Variants in ZNF184 observed in about 807,000 individuals in gnomAD.
The protein encoded by ZNF184 is zinc finger protein 184, also known as zinc finger protein 184 (Kruppel-like).
In ZNF184, 16 loss-of-function variants were observed where a neutral mutation model predicts 54.4. The ratio of observed to expected loss-of-function variants is 0.29; its 90% CI spans 0.20 to 0.45. The LOEUF (loss-of-function observed/expected upper bound fraction) is 0.45, where lower values mean the gene tolerates loss of function less well. Ranked by LOEUF, ZNF184 falls within the 20% of genes least tolerant of loss-of-function variation. The probability of loss-of-function intolerance (pLI) is 1.00; values close to 1 mark genes in which losing one functional copy is unlikely to be tolerated. For synonymous variants in ZNF184, 254 were observed against 295.3 expected, an observed-to-expected ratio of 0.86 and a Z score of 1.43; for missense variants, 681 against 888.2, an observed-to-expected ratio of 0.77 and a Z score of 2.97.
chr6:27,444,351 G>A, the ZNF184 span, among the ~76,000 whole-genome samples: 1 of 152,032 alleles, frequency 6.6e-6, no homozygotes, highest in Non-Finnish European at 1.5e-5. Flanking sequence ...CTTGTGGCCT[G>A]AAGCTCATCT....
At chr6:27,435,977 C>T in the ZNF184 span, among the ~76,000 whole-genome samples, 5 of 150,012 alleles carry the variant, frequency 3.3e-5, no homozygotes, top group Non-Finnish European at 5.9e-5. Flanking sequence ...TCCAGCTTAA[C>T]GATCCTAAAT....
At chr6:27,465,542 C>T (rs1763114423) in intron 3 of ZNF184, among the ~76,000 whole-genome samples, 1 of 130,822 alleles carries the variant, frequency 7.6e-6, no homozygotes, top group African/African-American at 2.8e-5. Context: ...TTGTAAGTAA[C>T]TCACTTTAAA....
the ZNF184 span, among the ~76,000 whole-genome samples, chr6:27,424,932 G>A: frequency 0.59 from 90,411 of 152,042 alleles, 27,231 homozygotes; most frequent in Middle Eastern, 0.75. Context: ...GGGGGTGGGA[G>A]GCTCAGGCAT....
the ZNF184 span, among the ~76,000 whole-genome samples, chr6:27,422,696 G>T: frequency 6.6e-6 from 1 of 152,126 alleles, no homozygotes; most frequent in African/African-American, 2.4e-5. Flanking sequence ...TCCTGGAAAA[G>T]ATTCCTGTTT....
At chr6:27,444,134 CTCT>C in the ZNF184 span, among the ~76,000 whole-genome samples, 4 of 152,118 alleles carry the variant, frequency 2.6e-5, no homozygotes, top group African/African-American at 9.7e-5. Flanking sequence ...ACCTGATCTC[CTCT>C]TCTTAAACTT....
the ZNF184 span, among the ~76,000 whole-genome samples, chr6:27,426,462 C>T: frequency 6.6e-6 from 1 of 152,100 alleles, no homozygotes; most frequent in East Asian, 1.9e-4. The surrounding 1 kb of genome is among the most constrained non-coding windows in gnomAD (Gnocchi z 4.2). Context: ...CCATCTGCTC[C>T]CCACCCACAA....
At chr6:27,427,503 C>G in the ZNF184 span, among the ~76,000 whole-genome samples, 161 of 152,288 alleles carry the variant, frequency 1.1e-3, no homozygotes, top group African/African-American at 3.7e-3. Flanking sequence ...TTTGACTCTT[C>G]TGTTTCTTGA....
chr6:27,437,574 C>T, the ZNF184 span, among the ~76,000 whole-genome samples: 1 of 152,120 alleles, frequency 6.6e-6, no homozygotes, highest in Admixed American at 6.6e-5. Context: ...TTGAACCTAC[C>T]CAGACTTCTG....
the ZNF184 span, among the ~76,000 whole-genome samples, chr6:27,425,871 G>A: frequency 1.3e-5 from 2 of 152,154 alleles, no homozygotes; most frequent in Admixed American, 1.3e-4. Flanking sequence ...TCTTCGGGCT[G>A]TCTCCCAGAT....
At chr6:27,441,711 A>G in the ZNF184 span, among the ~76,000 whole-genome samples, 2 of 152,240 alleles carry the variant, frequency 1.3e-5, no homozygotes, top group African/African-American at 4.8e-5. Flanking sequence ...GGTAATTGTT[A>G]TTGCTATAGT....
intron 3 of ZNF184, among the ~76,000 whole-genome samples, chr6:27,458,774 A>G (rs1354579884): frequency 6.6e-6 from 1 of 152,216 alleles, no homozygotes; most frequent in Non-Finnish European, 1.5e-5. Context: ...AGACACATGC[A>G]TCCCCATGTT....
At chr6:27,455,071 C>G (rs1158776290) in intron 5 of ZNF184, among the ~76,000 whole-genome samples, 1 of 152,146 alleles carries the variant, frequency 6.6e-6, no homozygotes, top group Non-Finnish European at 1.5e-5. Flanking sequence ...TAGGTACTGT[C>G]ACAATATCAC....
chr6:27,466,578 T>G (rs190063572), intron 3 of ZNF184, among the ~76,000 whole-genome samples: 1 of 152,188 alleles, frequency 6.6e-6, no homozygotes, highest in Non-Finnish European at 1.5e-5. Context: ...TTCACTCTCT[T>G]GCTTGTGGTA....
intron 3 of ZNF184, among the ~76,000 whole-genome samples, chr6:27,462,015 T>C (rs978618164): frequency 6.6e-6 from 1 of 152,118 alleles, no homozygotes; most frequent in East Asian, 1.9e-4. Context: ...AGAAATACAT[T>C]AGCCAAAATG....
chr6:27,467,681 T>A (rs1212789728), intron 3 of ZNF184, among the ~76,000 whole-genome samples, 172 bp downstream of exon 3: 1 of 152,182 alleles, frequency 6.6e-6, no homozygotes, highest in Non-Finnish European at 1.5e-5. Context: ...AAGTGGTGAA[T>A]GTATTAGTTA....
chr6:27,452,951 G>T lies in ZNF184; in HGVS notation c.608C>A (p.Thr203Asn), dbSNP rs1471285397. The change falls in exon 6 of 6, where the codon ACC becomes AAC. Residue 203 changes from threonine (T) to asparagine (N), a missense_variant. By Grantham distance (65) the Thr-to-Asn change is moderately conservative. Coordinates refer to ENST00000683788, the MANE Select transcript of ZNF184 (RefSeq NM_001318891.2). This position sits in a 1 kb window ranked among gnomAD's most constrained non-coding sequence, Gnocchi z 5.5. ...LVTQEPSPEE[T>N]STKRSIKQNS... is the part of the protein sequence containing the mutation. ...CTGTTTGATGCTTCTTTTAGTAGAG[G>T]TCTCTTCTGGAGATGGTTCTTGTGT... 1.9e-6 allele frequency: 3 copies of T among 1,614,116 alleles called. No homozygotes were observed. The highest frequency in any genetic ancestry group is 2.2e-5 in the East Asian group (1 of 44,878).
At position 27,452,658 on chromosome 6, in the gene ZNF184, T is replaced by G. The variant is rs759584230; in HGVS notation, c.901A>C (p.Thr301Pro). Reference sequence around the variant, plus strand: ...TCACATTTATATGGTTTTTCTCCAGTATGAATTCTTTGATGTTGAGTAAGA... The same window carrying G: ...TCACATTTATATGGTTTTTCTCCAGGATGAATTCTTTGATGTTGAGTAAGA... Reference protein sequence around the residue: ...PSLTQHQRIHTGEKPYKCDEC... With the variant: ...PSLTQHQRIHPGEKPYKCDEC... Residue 301 changes from threonine to proline, a missense_variant, in exon 6 of 6, where the codon ACT becomes CCT. Coordinates refer to ENST00000683788, the MANE Select transcript of ZNF184 (RefSeq NM_001318891.2). This position sits in a 1 kb window ranked among gnomAD's most constrained non-coding sequence, Gnocchi z 5.5. 3.1e-6 allele frequency: 5 copies of G among 1,614,124 alleles called. No individual in the cohort carries two copies. The South Asian group carries it at 5.5e-5, about 18-fold the overall frequency.
chr6:27,440,290 C>A, the ZNF184 span, among the ~76,000 whole-genome samples: 1 of 152,154 alleles, frequency 6.6e-6, no homozygotes, highest in Non-Finnish European at 1.5e-5. Context: ...CCAAGAGAGT[C>A]AGTTTTGGAG....
chr6:27,426,660 A>T, the ZNF184 span, among the ~76,000 whole-genome samples: 5 of 152,328 alleles, frequency 3.3e-5, no homozygotes, highest in East Asian at 5.8e-4. The surrounding 1 kb of genome is among the most constrained non-coding windows in gnomAD (Gnocchi z 4.2). Context: ...ACTATTTAAA[A>T]ACATCTTCAT....
Sources: allele counts gnomAD v4.1 joint callset (sites outside exome capture counted in the v4.1 genomes callset), GRCh38; gene constraint gnomAD v4.1.1; non-coding constraint Gnocchi (gnomAD v3.1); transcripts MANE v1.5; gene names NCBI Gene and HGNC (gene_info 2026-07-23, HGNC 2026-07-21).